The following RGS6 variants were observed in gnomAD, a reference collection of about 807,000 sequenced individuals.
RGS6 encodes regulator of G protein signaling 6.
A neutral mutation model predicts 78.5 loss-of-function variants in RGS6; 30 were observed. That is an observed-to-expected ratio of 0.38 (90% CI 0.29 to 0.52). The LOEUF (loss-of-function observed/expected upper bound fraction) is 0.52. Among genes scored for constraint, RGS6 ranks in the 20% least tolerant of loss-of-function variants. RGS6 has a pLI of 0.85. For synonymous variants in RGS6, 206 were observed against 206.0 expected (o/e 1.00, Z 0.00); for missense variants, 495 against 609.7 (o/e 0.81, Z 1.98).
intron 2 of RGS6, among the ~76,000 whole-genome samples, chr14:72,289,339 C>G (rs1187615935): frequency 1.3e-5 from 2 of 151,892 alleles, no homozygotes. Flanking sequence ...TTCTCTCTCT[C>G]TCTCTCTCTC....
rs34953560 is a variant in RGS6, at chr14:72,504,921, A to ATTTTTTTTTTTTT, written c.966-5217_966-5205dup. Among the ~76,000 whole-genome samples, 45 of 76,078 alleles carry ATTTTTTTTTTTTT rather than the reference A, an allele frequency of 5.9e-4. 1 individual carries two copies. Among genetic ancestry groups the ATTTTTTTTTTTTT allele is most frequent in the African/African-American group, 1.8e-3 (36 of 19,500 alleles). 49.9% of individuals were successfully genotyped at this position (76,078 alleles called of 152,430 possible). ...AGGTGCCCACCACCACGCCCAGCTAATTTTTTTTTTTTTTTTTTTTTTTTT... is the reference window on the plus strand; with the variant it reads ...AGGTGCCCACCACCACGCCCAGCTAATTTTTTTTTTTTTTTTTTTTTTTTTTTTTTTTTTTTTT... On this transcript the variant is annotated intron_variant, in intron 13 of 17. Transcript: ENST00000553525.
chr14:72,015,545 A>G (rs901650347), intron 2 of RGS6, among the ~76,000 whole-genome samples: 1 of 152,260 alleles, frequency 6.6e-6, no homozygotes, highest in African/African-American at 2.4e-5. Context: ...TATTACAAAT[A>G]GTGATACAGT....
chr14:72,370,951 A>G (rs934497308), intron 3 of RGS6, among the ~76,000 whole-genome samples: 3 of 152,262 alleles, frequency 2.0e-5, no homozygotes, highest in Non-Finnish European at 4.4e-5. Context: ...GACTCTGGGT[A>G]AATGAAGTCA....
intron 3 of RGS6, among the ~76,000 whole-genome samples, chr14:72,383,213 T>TATATACATAC (rs1387301746): frequency 8.5e-6 from 1 of 118,338 alleles, no homozygotes; most frequent in African/African-American, 3.1e-5. Flanking sequence ...TATATATATA[T>TATATACATAC]ACACACAAAC....
chr14:71,983,277 T>C (rs1381749016), intron 2 of RGS6, among the ~76,000 whole-genome samples: 1 of 152,194 alleles, frequency 6.6e-6, no homozygotes, highest in African/African-American at 2.4e-5. Context: ...CAAATACCTC[T>C]ACGTATGAAA....
chr14:72,402,412 T>C (rs1450239674), intron 3 of RGS6, among the ~76,000 whole-genome samples: 1 of 152,046 alleles, frequency 6.6e-6, no homozygotes. Flanking sequence ...AAGAAAACAA[T>C]AAACAGGGTT....
intron 3 of RGS6, among the ~76,000 whole-genome samples, chr14:72,384,724 G>T (rs1168006369): frequency 1.3e-5 from 2 of 151,898 alleles, no homozygotes; most frequent in Non-Finnish European, 2.9e-5. Flanking sequence ...TTTAACTGAG[G>T]GGACACGGTT....
chr14:72,571,440 A>T (rs2097720108), downstream of RGS6, among the ~76,000 whole-genome samples: 1 of 152,246 alleles, frequency 6.6e-6, no homozygotes, highest in Non-Finnish European at 1.5e-5. Flanking sequence ...AGGCTACAGT[A>T]ATCAAGACAG....
Position 72,111,363 on chromosome 14 carries a change from G to C in RGS6, c.84+146488G>C, listed in dbSNP as rs538430054. On this transcript the variant is annotated intron_variant, in intron 2 of 17. Transcript: ENST00000553525. Reference sequence around the variant, plus strand: ...GGACAATCAGAAACAAATTTAACTGGTGAATGGCCATTCCATGTGGAAGGG... The same window carrying C: ...GGACAATCAGAAACAAATTTAACTGCTGAATGGCCATTCCATGTGGAAGGG... Among the ~76,000 whole-genome samples the C allele has an allele frequency of 4.6e-5, 7 of 152,204 alleles. No individual in the cohort carries two copies. The South Asian group carries it at 1.5e-3, about 32-fold the overall frequency.
intron 2 of RGS6, among the ~76,000 whole-genome samples, chr14:72,132,321 G>A (rs1254565361): frequency 6.6e-6 from 1 of 150,442 alleles, no homozygotes; most frequent in Non-Finnish European, 1.5e-5. Context: ...CTGTTGCCCA[G>A]GCTGGAGCGC....
the RGS6 span, among the ~76,000 whole-genome samples, chr14:72,575,646 A>C: frequency 6.6e-6 from 1 of 152,162 alleles, no homozygotes; most frequent in Non-Finnish European, 1.5e-5. Flanking sequence ...TATATATTTC[A>C]AAATAGCTAA....
intron 15 of RGS6, 106 bp from the exon 16 acceptor site, chr14:72,536,080 A>C: frequency 4.9e-6 from 4 of 817,162 alleles, no homozygotes; most frequent in Non-Finnish European, 8.4e-6. Context: ...AAACATACCT[A>C]GGTTCCTTCA....
chr14:72,327,576 G>A (rs1240539757), intron 2 of RGS6, among the ~76,000 whole-genome samples: 5 of 152,322 alleles, frequency 3.3e-5, no homozygotes, highest in Middle Eastern at 3.4e-3. Flanking sequence ...CCAGTCAGGT[G>A]TACTTCTTTC....
chr14:72,199,375 C>G (rs1599348011), intron 2 of RGS6, among the ~76,000 whole-genome samples: 1 of 152,172 alleles, frequency 6.6e-6, no homozygotes, highest in Admixed American at 6.5e-5. Flanking sequence ...AAGCACTTTG[C>G]ATCTAGTTGT....
intron 2 of RGS6, among the ~76,000 whole-genome samples, chr14:72,192,281 G>T (rs2283414): frequency 0.17 from 25,225 of 152,074 alleles, 2,138 homozygotes; most frequent in South Asian, 0.2. Flanking sequence ...TCCTGTCTTC[G>T]GGCAAGTAGA....
chr14:72,130,157 T>C (rs1000052466), intron 2 of RGS6, among the ~76,000 whole-genome samples: 1 of 152,206 alleles, frequency 6.6e-6, no homozygotes, highest in African/African-American at 2.4e-5. Flanking sequence ...CAGTTTATTA[T>C]AAATGATACA....
chr14:72,520,280 C>T (rs1486726641), intron 15 of RGS6, among the ~76,000 whole-genome samples: 4 of 152,224 alleles, frequency 2.6e-5, no homozygotes, highest in African/African-American at 9.7e-5. Flanking sequence ...GAGTTCCAAG[C>T]TCTGGATTTT....
intron 2 of RGS6, among the ~76,000 whole-genome samples, chr14:72,273,070 T>G (rs926213057): frequency 6.6e-6 from 1 of 151,154 alleles, no homozygotes; most frequent in Non-Finnish European, 1.5e-5. Context: ...GAGTGGAGGT[T>G]GCAGTGAGCT....
At chr14:71,962,282 G>C (rs115747934) in intron 1 of RGS6, among the ~76,000 whole-genome samples, 48 of 146,644 alleles carry the variant, frequency 3.3e-4, no homozygotes, top group Middle Eastern at 3.4e-3. Context: ...TTGGTGGGAG[G>C]GGGTGGCTGG....
Sources: allele counts gnomAD v4.1 joint callset (sites outside exome capture counted in the v4.1 genomes callset), GRCh38; gene constraint gnomAD v4.1.1; transcripts MANE v1.5; gene names NCBI Gene and HGNC (gene_info 2026-07-23, HGNC 2026-07-21).